The following FUT8 variants were observed in gnomAD, a reference collection of about 807,000 sequenced individuals.
The protein encoded by FUT8 is fucosyltransferase 8.
A neutral mutation model predicts 71.3 loss-of-function variants in FUT8; 29 were observed. The observed-to-expected ratio is 0.41, with a 90% CI of 0.30 to 0.55. FUT8 has a LOEUF of 0.55. FUT8 is among the 20% of genes least tolerant of loss of function. FUT8 has a pLI of 0.34. For synonymous variants in FUT8, 254 were observed against 239.3 expected (o/e 1.06, Z -0.57); for missense variants, 544 against 702.1 (o/e 0.77, Z 2.55).
intron 6 of FUT8, among the ~76,000 whole-genome samples, chr14:65,666,064 G>T (rs765472463): frequency 2.0e-5 from 3 of 151,464 alleles, no homozygotes; most frequent in Non-Finnish European, 4.4e-5. Context: ...ACCTACACGT[G>T]TACCCTTAAA....
chr14:65,387,936 T>C, the FUT8 span, among the ~76,000 whole-genome samples: 1 of 152,208 alleles, frequency 6.6e-6, no homozygotes, highest in Non-Finnish European at 1.5e-5. Flanking sequence ...GTTTAACCAA[T>C]TTTGTGTCAG....
At chr14:65,401,471 C>G in the FUT8 span, among the ~76,000 whole-genome samples, 1 of 152,160 alleles carries the variant, frequency 6.6e-6, no homozygotes, top group Non-Finnish European at 1.5e-5. Flanking sequence ...GCGGGCCTAA[C>G]AAGACTTCCT....
At chr14:65,704,637 C>A (rs1894471701) in intron 7 of FUT8, among the ~76,000 whole-genome samples, 1 of 152,148 alleles carries the variant, frequency 6.6e-6, no homozygotes, top group East Asian at 1.9e-4. Flanking sequence ...TTGGCAGTAT[C>A]CCCTTTATTA....
intron 5 of FUT8, among the ~76,000 whole-genome samples, chr14:65,629,230 G>A (rs1341032573): frequency 6.6e-6 from 1 of 152,200 alleles, no homozygotes; most frequent in Non-Finnish European, 1.5e-5. Flanking sequence ...TGCTTTGTCT[G>A]TGTTGAGAAA....
chr14:65,528,979 G>A (rs150502477), intron 2 of FUT8: 6 of 155,130 alleles, frequency 3.9e-5, no homozygotes, highest in African/African-American at 1.4e-4. Context: ...CATGTGCATG[G>A]TATTTTAAAA....
chr14:65,468,379 G>A (rs962966790), intron 2 of FUT8: 19 of 442,784 alleles, frequency 4.3e-5, no homozygotes, highest in Admixed American at 6.2e-5. Flanking sequence ...GGTTCCGGCC[G>A]AAAGGTTGGA....
chr14:65,514,949 C>T (rs1256990605), intron 2 of FUT8, among the ~76,000 whole-genome samples: 2 of 150,994 alleles, frequency 1.3e-5, no homozygotes, highest in Non-Finnish European at 3.0e-5. Context: ...CTTTGGCATG[C>T]AACTTTGTGT....
intron 1 of FUT8, among the ~76,000 whole-genome samples, chr14:65,439,319 T>G (rs1253816092): frequency 6.6e-6 from 1 of 152,180 alleles, no homozygotes; most frequent in Non-Finnish European, 1.5e-5. Flanking sequence ...TTTAGGAGGA[T>G]CATAGTAATA....
chr14:65,542,344 C>T (rs939843343), intron 2 of FUT8, among the ~76,000 whole-genome samples: 4 of 152,184 alleles, frequency 2.6e-5, no homozygotes, highest in Non-Finnish European at 5.9e-5. Flanking sequence ...TTTCCAAGAT[C>T]TTATACCATC....
At chr14:65,380,909 G>T in the FUT8 span, among the ~76,000 whole-genome samples, 4 of 152,196 alleles carry the variant, frequency 2.6e-5, no homozygotes, top group South Asian at 2.1e-4. Context: ...TTGCTGGTCT[G>T]GTTGCCTGTA....
At chr14:65,723,337 A>T (rs1414009987) in intron 8 of FUT8, among the ~76,000 whole-genome samples, 2 of 148,144 alleles carry the variant, frequency 1.4e-5, no homozygotes, top group African/African-American at 2.5e-5. Flanking sequence ...AAAAAAAAAA[A>T]TTACTTTGGA....
chr14:65,382,485 A>G, the FUT8 span, among the ~76,000 whole-genome samples: 1 of 152,114 alleles, frequency 6.6e-6, no homozygotes, highest in Non-Finnish European at 1.5e-5. Flanking sequence ...ATAGGCACAC[A>G]CCACCAGGCC....
chr14:65,621,981 G>A (rs566620067), intron 5 of FUT8, among the ~76,000 whole-genome samples: 24 of 151,558 alleles, frequency 1.6e-4, no homozygotes, highest in African/African-American at 5.1e-4. Context: ...ACGCCACCAT[G>A]CCTGGCTAAT....
intron 2 of FUT8, among the ~76,000 whole-genome samples, chr14:65,497,001 C>G (rs1232623236): frequency 6.6e-6 from 1 of 152,096 alleles, no homozygotes; most frequent in Admixed American, 6.6e-5. Flanking sequence ...TAGCAACCAC[C>G]TCCTAGGGTT....
intron 6 of FUT8, among the ~76,000 whole-genome samples, chr14:65,650,409 T>C (rs1158364169): frequency 6.6e-6 from 1 of 150,838 alleles, no homozygotes; most frequent in Non-Finnish European, 1.5e-5. Context: ...TAGTGGCTTC[T>C]GGGGAGGCCT....
At chr14:65,619,063 A>G (rs886561410) in intron 5 of FUT8, among the ~76,000 whole-genome samples, 38 of 152,158 alleles carry the variant, frequency 2.5e-4, no homozygotes, top group African/African-American at 8.9e-4. Flanking sequence ...AATTCTGGGT[A>G]GTTTGTGTCA....
intron 1 of FUT8, among the ~76,000 whole-genome samples, chr14:65,453,679 A>G (rs1445377636): frequency 6.6e-6 from 1 of 152,170 alleles, no homozygotes; most frequent in Admixed American, 6.5e-5. Flanking sequence ...CTCCAAGCTC[A>G]GTGTCAGCCC....
chr14:65,388,460 A>G, the FUT8 span, among the ~76,000 whole-genome samples: 1 of 152,098 alleles, frequency 6.6e-6, no homozygotes, highest in Non-Finnish European at 1.5e-5. Context: ...CTATAGCAAA[A>G]GTAAAAATTT....
chr14:65,741,942 T>C (rs1002400503), intron 10 of FUT8, 151 bp from the exon 11 acceptor site: 7 of 617,866 alleles, frequency 1.1e-5, no homozygotes, highest in Non-Finnish European at 1.7e-5. Flanking sequence ...TGTACCATCT[T>C]CTGAGAACAA....
Sources: allele counts gnomAD v4.1 joint callset (sites outside exome capture counted in the v4.1 genomes callset), GRCh38; gene constraint gnomAD v4.1.1; transcripts MANE v1.5; gene names NCBI Gene and HGNC (gene_info 2026-07-23, HGNC 2026-07-21).